DNAH2: variants seen among roughly 807,000 people sequenced by gnomAD.
The protein encoded by DNAH2 is axonemal beta dynein heavy chain 2.
In DNAH2, 323 loss-of-function variants were observed where a neutral mutation model predicts 523.5. The observed-to-expected ratio is 0.62, with a 90% CI of 0.56 to 0.68. The LOEUF (loss-of-function observed/expected upper bound fraction) is 0.68, where lower values mean the gene tolerates loss of function less well. Ranked by LOEUF, DNAH2 falls within the 30% of genes least tolerant of loss-of-function variation. The probability of loss-of-function intolerance (pLI) is 0.00; values close to 1 mark genes in which losing one functional copy is unlikely to be tolerated. For missense variants in DNAH2, 4,907 were observed against 5,701.5 expected (o/e 0.86, Z 4.49); for synonymous variants, 2,093 against 2,177.4 (o/e 0.96, Z 1.08).
chr17:7,821,219 C>A lies in DNAH2; in HGVS notation c.11016-24C>A. The A allele has an allele frequency of 6.2e-7, 1 of 1,608,188 alleles. No individual in the cohort carries two copies. The highest frequency in any genetic ancestry group is 8.5e-7 in the Non-Finnish European group (1 of 1,176,030). ...AGCCCCCATTCCATGCTGCCCCTCC[C>A]TCTTCCCTGTCCCTTTCTCCCAGGT... On this transcript the variant is annotated intron_variant, in intron 72 of 85. Transcript: ENST00000572933. This position sits in a 1 kb window ranked among gnomAD's most constrained non-coding sequence, Gnocchi z 5.0.
rs1452115871 is a variant in DNAH2, at chr17:7,796,460, C to T, written c.7675-4C>T. 13 of 1,613,598 alleles carry T rather than the reference C, an allele frequency of 8.1e-6. No homozygotes were observed. Among genetic ancestry groups the T allele is most frequent in the Non-Finnish European group, 1.7e-6 (2 of 1,179,862 alleles). ...CTGGAGAGTGAGCCAGGGTCTGTTT[C>T]TAGAAGTCCCAGATCATCCGCATAT... On this transcript the variant is annotated splice_region_variant and splice_polypyrimidine_tract_variant and intron_variant, in intron 49 of 85. Transcript: ENST00000572933.
At chr17:7,779,713 G>C (rs1281283100) in intron 36 of DNAH2, among the ~76,000 whole-genome samples, 2 of 152,082 alleles carry the variant, frequency 1.3e-5, no homozygotes, top group Admixed American at 1.3e-4. Flanking sequence ...CAAGAGTTCT[G>C]GTCTCTCTGC....
chr17:7,766,213 C>G, intron 21 of DNAH2, 105 bp from the exon 22 acceptor site: 1 of 1,252,762 alleles, frequency 8.0e-7, no homozygotes, highest in Non-Finnish European at 1.1e-6. Flanking sequence ...TTCCCTCTCT[C>G]ACGTGAGGAG....
chr17:7,733,204 C>T lies in DNAH2; in HGVS notation c.517C>T (p.Arg173Trp), dbSNP rs753334898. The change falls in exon 5 of 86, where the codon CGG becomes TGG. Residue 173 changes from arginine to tryptophan, a missense_variant. This residue lies in a region of DNAH2 where 2,806 missense variants were observed against 3,190.8 expected (regional missense o/e 0.88). Coordinates refer to ENST00000572933, the MANE Select transcript of DNAH2 (RefSeq NM_020877.5). Reference sequence around the variant, plus strand: ...GGGCCCCTATATCCCGGCCCTGCTTCGGCTGCTCGGTGGAGTCTTTGCCCC... The same window carrying T: ...GGGCCCCTATATCCCGGCCCTGCTTTGGCTGCTCGGTGGAGTCTTTGCCCC... ...VRGPYIPALLRLLGGVFAPQI... is the reference protein window; with the variant it reads ...VRGPYIPALLWLLGGVFAPQI... 1.2e-5 allele frequency: 19 copies of T among 1,614,112 alleles called. No individual in the cohort carries two copies. The highest frequency in any genetic ancestry group is 4.0e-5 in the African/African-American group (3 of 74,938).
chr17:7,762,742 A>T (rs1456122007), intron 18 of DNAH2, among the ~76,000 whole-genome samples: 1 of 152,094 alleles, frequency 6.6e-6, no homozygotes, highest in Non-Finnish European at 1.5e-5. Context: ...GAGCACGTTC[A>T]CCCCACAGAG....
intron 24 of DNAH2, among the ~76,000 whole-genome samples, chr17:7,769,028 G>A (rs775717498): frequency 6.6e-6 from 1 of 152,208 alleles, no homozygotes; most frequent in Non-Finnish European, 1.5e-5. Context: ...CACCAAGCCT[G>A]CCACTGTCCT....
chr17:7,780,813 C>T lies in DNAH2; in HGVS notation c.6003+31C>T, dbSNP rs200361856. 2,503 of 1,613,698 alleles carry T rather than the reference C, an allele frequency of 1.6e-3. 5 individuals are homozygous for T. Among genetic ancestry groups the T allele is most frequent in the Non-Finnish European group, 2.1e-3 (2,441 of 1,179,900 alleles). ...GCAAGGACACAGCCTTTGGACCTGACTTCCACTGTCACTGGACCTATGTCA... is the reference window on the plus strand; with the variant it reads ...GCAAGGACACAGCCTTTGGACCTGATTTCCACTGTCACTGGACCTATGTCA... On this transcript the variant is annotated intron_variant, in intron 38 of 85. Coordinates refer to ENST00000572933, the MANE Select transcript of DNAH2 (RefSeq NM_020877.5). The surrounding 1 kb of genome is among the most constrained non-coding windows in gnomAD (Gnocchi z 4.4).
intron 64 of DNAH2, 135 bp downstream of exon 64, chr17:7,816,870 G>A: frequency 8.6e-7 from 1 of 1,158,134 alleles, no homozygotes; most frequent in Admixed American, 2.8e-5. Flanking sequence ...CTGAGGCGTG[G>A]GAGCTCTTCC....
At position 7,819,422 on chromosome 17, in the gene DNAH2, C is replaced by G. The variant is rs1048459618; in HGVS notation, c.11015+14C>G. On this transcript the variant is annotated intron_variant, in intron 72 of 85. Coordinates refer to ENST00000572933, the MANE Select transcript of DNAH2 (RefSeq NM_020877.5). The stretch of plus-strand genomic sequence containing the variant: ...CGCTGTCTACAGGTCTGAGGGTGCC[C>G]CCAACATGCCCCAGCCCGGAGGCCG... 3.1e-6 allele frequency: 5 copies of G among 1,613,826 alleles called. No homozygotes were observed. The African/African-American group carries it at 6.7e-5, about 22-fold the overall frequency.
chr17:7,759,943 G>T lies in DNAH2; in HGVS notation c.2785+5G>T. ...AACCCATCCAAACAGTTGTGGGTGAGTGGGCAACGGGGAGGGCACAAGGCA... is the reference window on the plus strand; with the variant it reads ...AACCCATCCAAACAGTTGTGGGTGATTGGGCAACGGGGAGGGCACAAGGCA... On this transcript the variant is annotated splice_donor_5th_base_variant and intron_variant, in intron 17 of 85. Transcript: ENST00000572933. The T allele has an allele frequency of 6.2e-7, 1 of 1,614,198 alleles. No individual in the cohort carries two copies. Among genetic ancestry groups the T allele is most frequent in the Non-Finnish European group, 8.5e-7 (1 of 1,180,036 alleles).
At chr17:7,767,486 CTA>C (rs1456047138) in intron 22 of DNAH2, among the ~76,000 whole-genome samples, 1 of 151,980 alleles carries the variant, frequency 6.6e-6, no homozygotes, top group Non-Finnish European at 1.5e-5. Flanking sequence ...TATGGAAACT[CTA>C]TGTTTAACTT....
In DNAH2 at chr17:7,807,146, A is replaced by G; in HGVS notation, c.9443-4A>G. On this transcript the variant is annotated splice_polypyrimidine_tract_variant and splice_region_variant and intron_variant, in intron 61 of 85. Transcript: ENST00000572933. The surrounding 1 kb of genome is among the most constrained non-coding windows in gnomAD (Gnocchi z 5.6). ...GGCTAAGGCCCCTAATTTTCATCCC[A>G]CAGGGGAACAGAACTTCATCAAGTC... 6.2e-7 allele frequency: 1 copy of G among 1,604,126 alleles called. No individual in the cohort carries two copies. Among genetic ancestry groups the G allele is most frequent in the Non-Finnish European group, 8.5e-7 (1 of 1,179,744 alleles).
chr17:7,777,027 A>G, intron 32 of DNAH2, 138 bp downstream of exon 32: 2 of 669,730 alleles, frequency 3.0e-6, no homozygotes, highest in Non-Finnish European at 5.0e-6. Context: ...TTACCAAAAA[A>G]TACAAAAATT....
chr17:7,818,612 A>AGCCCC, intron 69 of DNAH2, 31 bp from the exon 70 acceptor site: 1 of 1,612,130 alleles, frequency 6.2e-7, no homozygotes, highest in Non-Finnish European at 8.5e-7. Flanking sequence ...AAGGAGTGAC[A>AGCCCC]GCCCCTCACT....
chr17:7,759,937 G>C lies in DNAH2; in HGVS notation c.2784G>C (p.Val928=), dbSNP rs749516852. ...KLHREPIQTV[V]EQDEDIKKIQ... Reference sequence around the variant, plus strand: ...ATCGTGAACCCATCCAAACAGTTGTGGGTGAGTGGGCAACGGGGAGGGCAC... The same window carrying C: ...ATCGTGAACCCATCCAAACAGTTGTCGGTGAGTGGGCAACGGGGAGGGCAC... Residue 928 remains valine (V), a splice_region_variant and synonymous_variant, in exon 17 of 86, where the codon GTG becomes GTC. Transcript: ENST00000572933. 1.2e-6 allele frequency: 2 copies of C among 1,614,200 alleles called. No individual in the cohort carries two copies. Among genetic ancestry groups the C allele is most frequent in the Non-Finnish European group, 1.7e-6 (2 of 1,180,038 alleles).
chr17:7,801,590 C>T lies in DNAH2; in HGVS notation c.8712C>T (p.Arg2904=), dbSNP rs1410327449. 4 of 1,614,184 alleles carry T rather than the reference C, an allele frequency of 2.5e-6. No homozygotes were observed. In the Admixed American group the frequency reaches 6.7e-5, roughly 27 times the overall value. ...AACCCCTTCCCAGGAACTGGATCCGCCAGTACCCAGCCTTGGTGAACTGCA... is the reference window on the plus strand; with the variant it reads ...AACCCCTTCCCAGGAACTGGATCCGTCAGTACCCAGCCTTGGTGAACTGCA... ...PMGDPFRNWI[R]QYPALVNCTT... Residue 2904 remains arginine, a synonymous_variant, in exon 57 of 86, where the codon CGC becomes CGT. Transcript: ENST00000572933.
At chr17:7,723,589 C>T (rs1391909933) in intron 2 of DNAH2, 39 bp from the exon 3 acceptor site, 1 of 1,598,760 alleles carries the variant, frequency 6.3e-7, no homozygotes, top group South Asian at 1.1e-5. Context: ...TTTAACTTTC[C>T]AAGAAATGCC....
At chr17:7,793,489 T>G (rs765565296) in intron 48 of DNAH2, among the ~76,000 whole-genome samples, 2 of 136,568 alleles carry the variant, frequency 1.5e-5, no homozygotes, top group Non-Finnish European at 3.4e-5. Flanking sequence ...CTTTCTTTCT[T>G]TCTTTCTTTC....
intron 12 of DNAH2, among the ~76,000 whole-genome samples, chr17:7,756,113 A>G (rs1224405767): frequency 1.3e-5 from 2 of 151,524 alleles, no homozygotes; most frequent in African/African-American, 4.8e-5. Context: ...GGTGGTGGGC[A>G]CCTATAATCC....
Sources: allele counts gnomAD v4.1 joint callset (sites outside exome capture counted in the v4.1 genomes callset), GRCh38; gene constraint gnomAD v4.1.1; regional missense constraint gnomAD v4.1.1; non-coding constraint Gnocchi (gnomAD v3.1); transcripts MANE v1.5; gene names NCBI Gene and HGNC (gene_info 2026-07-23, HGNC 2026-07-21).